Variants in DCBLD1 observed in about 807,000 individuals in gnomAD.
DCBLD1 encodes discoidin, CUB and LCCL domain-containing protein 1.
Under a neutral mutation model 71.5 loss-of-function variants are expected in DCBLD1, and 57 were observed. The observed-to-expected ratio is 0.80, with a 90% CI of 0.64 to 0.99. The LOEUF (loss-of-function observed/expected upper bound fraction) is 0.99. DCBLD1 is among the 50% of genes least tolerant of loss of function. The pLI, the probability that DCBLD1 is intolerant of heterozygous loss-of-function variation, is 0.00. For missense variants in DCBLD1, 891 were observed against 923.5 expected, an observed-to-expected ratio of 0.96 and a Z score of 0.46; for synonymous variants, 380 against 363.8, an observed-to-expected ratio of 1.04 and a Z score of -0.51.
intron 1 of DCBLD1, among the ~76,000 whole-genome samples, chr6:117,493,528 A>G (rs1269962614): frequency 6.6e-6 from 1 of 152,220 alleles, no homozygotes; most frequent in Non-Finnish European, 1.5e-5. Flanking sequence ...TCCTAATTAA[A>G]CATGACTTTT....
intron 14 of DCBLD1, among the ~76,000 whole-genome samples, chr6:117,558,885 G>A (rs936963131): frequency 7.9e-5 from 12 of 152,198 alleles, no homozygotes; most frequent in African/African-American, 2.9e-4. Flanking sequence ...TTCAGGCACA[G>A]TAAACCGCAC....
chr6:117,526,885 G>A (rs965176498), intron 5 of DCBLD1, among the ~76,000 whole-genome samples: 1 of 152,210 alleles, frequency 6.6e-6, no homozygotes, highest in African/African-American at 2.4e-5. Context: ...ACTGGACATG[G>A]TTTAGCTGGG....
At chr6:117,521,653 C>T (rs561755413) in intron 4 of DCBLD1, 77 bp downstream of exon 4, 3 of 1,241,532 alleles carry the variant, frequency 2.4e-6, no homozygotes, top group South Asian at 1.4e-5. Context: ...AAACCAGATA[C>T]GTTTGTACTT....
At chr6:117,569,340 T>C (rs566662697) in intron 14 of DCBLD1, among the ~76,000 whole-genome samples, 11 of 152,326 alleles carry the variant, frequency 7.2e-5, no homozygotes, top group Non-Finnish European at 1.5e-4. Flanking sequence ...GTGAGGACAC[T>C]GAGGGACAGA....
In DCBLD1 at chr6:117,544,543, A is replaced by C; in HGVS notation, c.1461A>C (p.Gly487=). ...FAAFRKKKKK[G]SPYGSAEAQK... is the part of the protein sequence containing the mutation. ...GTCTTGATAGGAAGAAGAAGAAAGG[A>C]AGTCCGTATGGATCAGCAGAGGCTC... The change falls in exon 13 of 15, where the codon GGA becomes GGC. Residue 487 remains glycine (G), a synonymous_variant. Transcript: ENST00000338728. The C allele has an allele frequency of 6.2e-7, 1 of 1,613,844 alleles. No homozygotes were observed. The highest frequency in any genetic ancestry group is 8.5e-7 in the Non-Finnish European group (1 of 1,179,956).
intron 14 of DCBLD1, among the ~76,000 whole-genome samples, chr6:117,557,723 C>G (rs1779513490): frequency 6.6e-6 from 1 of 152,096 alleles, no homozygotes; most frequent in African/African-American, 2.4e-5. Context: ...AAGATTGCAC[C>G]ATTGCACTCC....
chr6:117,483,173 C>T (rs936165346), intron 1 of DCBLD1, among the ~76,000 whole-genome samples: 1 of 152,218 alleles, frequency 6.6e-6, no homozygotes, highest in Non-Finnish European at 1.5e-5. Context: ...CACTTTCTCT[C>T]CGCCGCCCCC....
chr6:117,525,140 T>C (rs1778508426), intron 4 of DCBLD1, among the ~76,000 whole-genome samples: 1 of 152,174 alleles, frequency 6.6e-6, no homozygotes, highest in Non-Finnish European at 1.5e-5. Flanking sequence ...TTTAATAGAC[T>C]TTATGGTGAA....
intron 2 of DCBLD1, chr6:117,508,003 A>C (rs1007157284): frequency 6.6e-6 from 1 of 152,094 alleles, no homozygotes; most frequent in Non-Finnish European, 1.5e-5. Context: ...TCAAAACTGC[A>C]TTGATTTTTA....
intron 14 of DCBLD1, chr6:117,560,210 CT>C (rs1488816318): frequency 6.1e-6 from 1 of 165,020 alleles, no homozygotes; most frequent in East Asian, 1.3e-4. Context: ...TTTGCACAGA[CT>C]TTATGACATG....
intron 2 of DCBLD1, among the ~76,000 whole-genome samples, chr6:117,516,371 AAAG>A (rs945322556): frequency 6.6e-6 from 1 of 152,140 alleles, no homozygotes; most frequent in African/African-American, 2.4e-5. Context: ...AAAAAAAAAA[AAAG>A]AAAGTATTAA....
At chr6:117,569,790 C>T (rs981966877) in exon 15 of DCBLD1, 5 of 1,469,512 alleles carry the variant, frequency 3.4e-6, no homozygotes, top group African/African-American at 1.5e-5. Context: ...GTACAGTTAC[C>T]GATTAATCTA....
At chr6:117,503,686 G>T in intron 1 of DCBLD1, 81 bp from the exon 2 acceptor site, 2 of 1,437,238 alleles carry the variant, frequency 1.4e-6, no homozygotes, top group South Asian at 1.2e-5. Flanking sequence ...ACATAACTTG[G>T]AGATTGTATT....
At chr6:117,489,797 A>G (rs1238261876) in intron 1 of DCBLD1, among the ~76,000 whole-genome samples, 1 of 152,190 alleles carries the variant, frequency 6.6e-6, no homozygotes, top group Non-Finnish European at 1.5e-5. Context: ...AGGCAGGAGA[A>G]TGGCGTGAAC....
downstream of DCBLD1, among the ~76,000 whole-genome samples, chr6:117,554,000 A>T (rs1233714914): frequency 6.6e-6 from 1 of 152,212 alleles, no homozygotes; most frequent in South Asian, 2.1e-4. Flanking sequence ...TGAAGATTAC[A>T]AGGATTAATG....
intron 14 of DCBLD1, among the ~76,000 whole-genome samples, chr6:117,558,583 T>C (rs1376360935): frequency 3.9e-5 from 6 of 152,116 alleles, no homozygotes; most frequent in Non-Finnish European, 7.4e-5. Flanking sequence ...ACAGAGAATA[T>C]AAAGCAAAAT....
chr6:117,541,740 A>G (rs1415058567), intron 11 of DCBLD1, among the ~76,000 whole-genome samples: 1 of 152,194 alleles, frequency 6.6e-6, no homozygotes. Flanking sequence ...ACCAAATCTC[A>G]CTGTTTCTAG....
At chr6:117,541,080 A>G in intron 11 of DCBLD1, 55 bp downstream of exon 11, 9 of 1,558,646 alleles carry the variant, frequency 5.8e-6, no homozygotes, top group Non-Finnish European at 7.9e-6. Context: ...AACCCACCCA[A>G]TATCAGTAAC....
intron 3 of DCBLD1, 148 bp from the exon 4 acceptor site, chr6:117,521,375 TCA>T: frequency 1.6e-6 from 1 of 614,978 alleles, no homozygotes; most frequent in South Asian, 2.2e-5. Context: ...ACAGTGATTC[TCA>T]GTGTTTATTT....
Sources: allele counts gnomAD v4.1 joint callset (sites outside exome capture counted in the v4.1 genomes callset), GRCh38; gene constraint gnomAD v4.1.1; transcripts MANE v1.5; gene names NCBI Gene and HGNC (gene_info 2026-07-23, HGNC 2026-07-21).